SEC31B: variants seen among roughly 807,000 people sequenced by gnomAD.
The protein encoded by SEC31B is SEC31 homolog B, COPII component.
Under a neutral mutation model 135.0 loss-of-function variants are expected in SEC31B, and 113 were observed. The observed-to-expected ratio is 0.84, with a 90% CI of 0.72 to 0.98. The LOEUF is 0.98. Among genes scored for constraint, SEC31B ranks in the 50% least tolerant of loss-of-function variants. SEC31B has a pLI of 0.00. For synonymous variants in SEC31B, 508 were observed against 549.4 expected (o/e 0.92, Z 1.05); for missense variants, 1,296 against 1,421.1 (o/e 0.91, Z 1.42).
chr10:100,508,676 A>G, intron 5 of SEC31B: 1 of 418,724 alleles, frequency 2.4e-6, no homozygotes. Flanking sequence ...TGCTGGGCCC[A>G]ATGCCCTACC....
intron 3 of SEC31B, among the ~76,000 whole-genome samples, chr10:100,510,530 T>C (rs892838331): frequency 1.3e-5 from 2 of 152,232 alleles, no homozygotes; most frequent in South Asian, 2.1e-4. Context: ...TGAAGCCTCA[T>C]AGGTGGTCTG....
In SEC31B at chr10:100,508,098, A is replaced by T. The variant is rs776993067; in HGVS notation, c.496-47T>A. 3 of 1,609,922 alleles carry T rather than the reference A, an allele frequency of 1.9e-6. No individual in the cohort carries two copies. In the South Asian group the frequency reaches 3.3e-5, roughly 18 times the overall value. ...AAGATGACAACTTGTCACCCCCTGGACAAAGTGACATCTGCTGTTCCACTG... is the reference window on the plus strand; with the variant it reads ...AAGATGACAACTTGTCACCCCCTGGTCAAAGTGACATCTGCTGTTCCACTG... On this transcript the variant is annotated intron_variant, in intron 5 of 25. Transcript: ENST00000370345.
chr10:100,508,115 G>C, intron 5 of SEC31B, 64 bp from the exon 6 acceptor site: 1 of 1,590,834 alleles, frequency 6.3e-7, no homozygotes. Context: ...GACATCTGCT[G>C]TTCCACTGCT....
rs757153719 is a variant in SEC31B at position 100,516,916 on chromosome 10, C to A, written c.37G>T (p.Ala13Ser). Residue 13 changes from alanine (A) to serine (S), a missense_variant, in exon 2 of 26, where the codon GCA becomes TCA. Ala to Ser is a moderately conservative substitution (Grantham distance 99). Coordinates refer to ENST00000370345, the MANE Select transcript of SEC31B (RefSeq NM_015490.4). Reference protein sequence around the residue: ...LKELERPAVQAWSPASQYPLY... With the variant: ...LKELERPAVQSWSPASQYPLY... Reference sequence around the variant, plus strand: ...GGGTATTGGCTGGCTGGGCTCCATGCCTGGACAGCTGGCCGCTCAAGTTCC... The same window carrying A: ...GGGTATTGGCTGGCTGGGCTCCATGACTGGACAGCTGGCCGCTCAAGTTCC... The A allele has an allele frequency of 6.2e-7, 1 of 1,614,146 alleles. No individual in the cohort carries two copies. The highest frequency in any genetic ancestry group is 1.7e-5 in the Admixed American group (1 of 60,026).
intron 19 of SEC31B, among the ~76,000 whole-genome samples, chr10:100,493,048 C>T (rs1376205751): frequency 6.6e-6 from 1 of 152,068 alleles, no homozygotes; most frequent in Non-Finnish European, 1.5e-5. Flanking sequence ...GGAAACTATC[C>T]GAATGTCCTT....
chr10:100,507,203 T>C (rs959141232), intron 7 of SEC31B, among the ~76,000 whole-genome samples: 1 of 152,196 alleles, frequency 6.6e-6, no homozygotes, highest in Admixed American at 6.5e-5. Flanking sequence ...TTCCCATCTC[T>C]GGAATTTAGA....
chr10:100,502,208 G>A, intron 11 of SEC31B, 46 bp downstream of exon 11: 1 of 1,500,894 alleles, frequency 6.7e-7, no homozygotes, highest in Admixed American at 1.7e-5. Context: ...TGGAGTTCCA[G>A]GCTTTGGGGA....
chr10:100,502,346 C>T lies in SEC31B; in HGVS notation c.1318G>A (p.Ala440Thr). The T allele has an allele frequency of 1.2e-6, 2 of 1,614,188 alleles. No homozygotes were observed. Among genetic ancestry groups the T allele is most frequent in the South Asian group, 1.1e-5 (1 of 91,082 alleles). The change falls in exon 11 of 26, where the codon GCC (alanine) becomes ACC (threonine). Residue 440 changes from alanine to threonine, a missense_variant. Physicochemically the swap from Ala to Thr is moderately conservative, Grantham distance 58. Transcript: ENST00000370345. ...FLMRSAELQE[A>T]LGSGNLLNYC... ...TTCAGTAGATTTCCTGATCCCAAGG[C>T]CTCCTGCAGCTCAGCTGATCGCATC...
In SEC31B at chr10:100,488,052, A is replaced by T. The variant is rs1194210507; in HGVS notation, c.3335T>A (p.Leu1112Gln). 6.2e-7 allele frequency: 1 copy of T among 1,613,984 alleles called. No homozygotes were observed. Among genetic ancestry groups the T allele is most frequent in the African/African-American group, 1.3e-5 (1 of 74,894 alleles). Residue 1112 changes from leucine (L) to glutamine (Q), a missense_variant, in exon 25 of 26, where the codon CTA becomes CAA. Leu to Gln is a moderately radical substitution (Grantham distance 113). Transcript: ENST00000370345. Reference protein sequence around the residue: ...LEEAAQRLEYLYEKLCEGTLS... With the variant: ...LEEAAQRLEYQYEKLCEGTLS... ...TGTCCCCTCACAGAGCTTCTCATAT[A>T]GATACTCCAGACGCTGGGCTGCCTC... is the stretch of plus-strand genomic sequence containing the variant.
chr10:100,487,867 G>A (rs993310875), intron 25 of SEC31B, 72 bp from the exon 26 acceptor site: 36 of 1,583,970 alleles, frequency 2.3e-5, no homozygotes, highest in Non-Finnish European at 3.1e-5. Flanking sequence ...AAGGGATAAG[G>A]GAAGACTTAA....
rs1284818357 is a variant in SEC31B at position 100,499,155 on chromosome 10, C to A, written c.1584+5G>T. 3 of 1,613,278 alleles carry A rather than the reference C, an allele frequency of 1.9e-6. No homozygotes were observed. In the South Asian group the frequency reaches 3.3e-5, roughly 18 times the overall value. On this transcript the variant is annotated splice_donor_5th_base_variant and intron_variant, in intron 13 of 25. Transcript: ENST00000370345. ...TAGGTCAGGCTGACTGGACTCCTACCACACCTGGCTGCAGAAGGCCTGTTG... is the reference window on the plus strand; with the variant it reads ...TAGGTCAGGCTGACTGGACTCCTACAACACCTGGCTGCAGAAGGCCTGTTG...
At chr10:100,496,997 C>T (rs1589733237) in intron 17 of SEC31B, 138 bp downstream of exon 17, 2 of 884,746 alleles carry the variant, frequency 2.3e-6, no homozygotes, top group East Asian at 2.6e-5. Flanking sequence ...CCCAGACATT[C>T]AGGACCTTTC....
intron 25 of SEC31B, 107 bp downstream of exon 25, chr10:100,487,920 G>A (rs934507984): frequency 1.1e-5 from 16 of 1,507,206 alleles, no homozygotes; most frequent in Non-Finnish European, 1.4e-5. Context: ...ATTTTGTGGG[G>A]AACCCAGGTC....
chr10:100,502,349 C>T lies in SEC31B; in HGVS notation c.1315G>A (p.Glu439Lys). The change falls in exon 11 of 26, where the codon GAG becomes AAG. Residue 439 changes from glutamate to lysine, a missense_variant. Coordinates refer to ENST00000370345, the MANE Select transcript of SEC31B (RefSeq NM_015490.4). ...AGTAGATTTCCTGATCCCAAGGCCTCCTGCAGCTCAGCTGATCGCATCAGG... is the reference window on the plus strand; with the variant it reads ...AGTAGATTTCCTGATCCCAAGGCCTTCTGCAGCTCAGCTGATCGCATCAGG... ...EFLMRSAELQ[E>K]ALGSGNLLNY... 6.2e-7 allele frequency: 1 copy of T among 1,614,210 alleles called. No homozygotes were observed.
intron 3 of SEC31B, among the ~76,000 whole-genome samples, chr10:100,511,341 T>C (rs1419270817): frequency 1.3e-5 from 2 of 152,216 alleles, no homozygotes; most frequent in Non-Finnish European, 2.9e-5. Context: ...GGAGACTTGA[T>C]GGTTCAGGGT....
intron 1 of SEC31B, among the ~76,000 whole-genome samples, chr10:100,518,385 A>G (rs1851887262): frequency 6.6e-6 from 1 of 152,076 alleles, no homozygotes. Flanking sequence ...ACTTCCCCAA[A>G]TAAGTGAACT....
Position 100,489,749 on chromosome 10 carries a change from G to A in SEC31B, c.2978C>T (p.Ser993Phe). Residue 993 changes from serine (S) to phenylalanine (F), a missense_variant, in exon 22 of 26, where the codon TCC becomes TTC. By Grantham distance (155) the Ser-to-Phe change is radical. Transcript: ENST00000370345. ...ILTPHPGPQD[S>F]WKEAPAPRGN... ...CCTGGGGGCTGGGGCTTCTTTCCAGGAATCTTGAGGTCCTATAGAATAAAA... is the reference window on the plus strand; with the variant it reads ...CCTGGGGGCTGGGGCTTCTTTCCAGAAATCTTGAGGTCCTATAGAATAAAA... The A allele has an allele frequency of 6.2e-7, 1 of 1,614,042 alleles. No individual in the cohort carries two copies. Among genetic ancestry groups the A allele is most frequent in the Non-Finnish European group, 8.5e-7 (1 of 1,179,976 alleles).
rs765448123 is a variant in SEC31B, at chr10:100,507,465, A to G, written c.742T>C (p.Phe248Leu). Residue 248 changes from phenylalanine (F) to leucine (L), a missense_variant, in exon 7 of 26, where the codon TTT (phenylalanine) becomes CTT (leucine). Physicochemically the swap from Phe to Leu is conservative, Grantham distance 22 (BLOSUM62 0). Transcript: ENST00000370345. ...AGCACCTTCAAGGGCGAGGAGGCAA[A>G]GCGCAAGTCCCACAGCTGAATCACG... ...LPVIQLWDLRFASSPLKVLES... is the reference protein window; with the variant it reads ...LPVIQLWDLRLASSPLKVLES... The G allele has an allele frequency of 6.2e-7, 1 of 1,614,210 alleles. No individual in the cohort carries two copies. Among genetic ancestry groups the G allele is most frequent in the South Asian group, 1.1e-5 (1 of 91,086 alleles).
In SEC31B at chr10:100,490,705, C is replaced by T. The variant is rs765275840; in HGVS notation, c.2650+1G>A. On this transcript the variant is annotated splice_donor_variant, in intron 20 of 25. Transcript: ENST00000370345. LOFTEE classifies it high-confidence loss of function. ...AGATAGATCTTCAGTGACTCACTCA[C>T]CAGGCCTTACCCCAGGGCTCAAAGG... 1.3e-6 allele frequency: 2 copies of T among 1,574,904 alleles called. No individual in the cohort carries two copies. The highest frequency in any genetic ancestry group is 1.8e-5 in the Admixed American group (1 of 56,582).
Sources: allele counts gnomAD v4.1 joint callset (sites outside exome capture counted in the v4.1 genomes callset), GRCh38; gene constraint gnomAD v4.1.1; transcripts MANE v1.5; gene names NCBI Gene and HGNC (gene_info 2026-07-23, HGNC 2026-07-21).